The following CNOT1 variants were observed in gnomAD, a reference collection of about 807,000 sequenced individuals.
CNOT1 encodes CCR4-NOT transcription complex subunit 1.
CNOT1 carries 15 observed loss-of-function variants against 273.8 expected under a neutral mutation model. The ratio of observed to expected loss-of-function variants is 0.05; its 90% CI spans 0.04 to 0.08. The LOEUF is 0.08. Ranked by LOEUF, CNOT1 falls within the 10% of genes least tolerant of loss-of-function variation. The pLI is 1.00. For synonymous variants in CNOT1, 1,022 were observed against 1,005.5 expected (o/e 1.02, Z -0.31); for missense variants, 1,644 against 2,912.2 (o/e 0.56, Z 10.02).
At chr16:58,605,065 G>GGCGGAGATTGCAGTGA (rs1284929797) in intron 1 of CNOT1, among the ~76,000 whole-genome samples, 1 of 152,126 alleles carries the variant, frequency 6.6e-6, no homozygotes, top group African/African-American at 2.4e-5. Flanking sequence ...GAACCTGGGA[G>GGCGGAGATTGCAGTGA]GCGGAGATTG....
intron 19 of CNOT1, 141 bp downstream of exon 19, chr16:58,556,705 CT>C: frequency 7.2e-7 from 1 of 1,379,312 alleles, no homozygotes. Context: ...ATACCTCTAA[CT>C]TTTAATAATT....
At chr16:58,596,195 G>A (rs183620316) in intron 2 of CNOT1, among the ~76,000 whole-genome samples, 1 of 152,280 alleles carries the variant, frequency 6.6e-6, no homozygotes, top group Non-Finnish European at 1.5e-5. Flanking sequence ...GAGCAATCTA[G>A]CAGTGCCATC....
At chr16:58,537,768 A>G in intron 38 of CNOT1, 123 bp downstream of exon 38, 1 of 1,300,328 alleles carries the variant, frequency 7.7e-7, no homozygotes, top group African/African-American at 1.5e-5. Flanking sequence ...TACCAAAGCT[A>G]CCCACCCATA....
intron 14 of CNOT1, 76 bp downstream of exon 14, chr16:58,576,387 A>AT: frequency 6.3e-7 from 1 of 1,591,010 alleles, no homozygotes; most frequent in East Asian, 2.3e-5. Flanking sequence ...CTGGGATTAC[A>AT]GGCATGAGCC....
At chr16:58,594,821 G>A (rs1490390308) in intron 2 of CNOT1, among the ~76,000 whole-genome samples, 1 of 148,328 alleles carries the variant, frequency 6.7e-6, no homozygotes, top group African/African-American at 2.5e-5. Flanking sequence ...AAAAGAAAAA[G>A]AAAAAGAAAA....
intron 16 of CNOT1, among the ~76,000 whole-genome samples, chr16:58,569,759 A>G (rs1356688883): frequency 6.6e-6 from 1 of 152,160 alleles, no homozygotes; most frequent in Non-Finnish European, 1.5e-5. Flanking sequence ...GTGGAGCACT[A>G]CTGAGTGTGC....
intron 16 of CNOT1, among the ~76,000 whole-genome samples, chr16:58,562,914 G>A (rs936601280): frequency 1.3e-5 from 2 of 152,130 alleles, no homozygotes; most frequent in African/African-American, 4.8e-5. Context: ...GCATTAAGAA[G>A]TAAAAGTCAT....
chr16:58,603,299 G>A (rs1312382562), intron 1 of CNOT1, among the ~76,000 whole-genome samples: 1 of 152,122 alleles, frequency 6.6e-6, no homozygotes. Context: ...TGATGCTGAG[G>A]CAGGAGGACT....
At chr16:58,598,397 CA>C (rs869048108) in intron 2 of CNOT1, among the ~76,000 whole-genome samples, 3,300 of 86,400 alleles carry the variant, frequency 0.038, 54 homozygotes, top group African/African-American at 0.093. Context: ...GACTCCATCT[CA>C]AAAAAAAAAA....
chr16:58,540,037 G>A, intron 34 of CNOT1, 78 bp from the exon 35 acceptor site: 1 of 1,429,132 alleles, frequency 7.0e-7, no homozygotes, highest in South Asian at 1.4e-5. Flanking sequence ...TCAAATAGAG[G>A]TCTACTAGTA....
intron 1 of CNOT1, among the ~76,000 whole-genome samples, chr16:58,622,677 TC>T (rs1257691126): frequency 6.6e-6 from 1 of 151,216 alleles, no homozygotes; most frequent in Non-Finnish European, 1.5e-5. Flanking sequence ...TGAAACCCTG[TC>T]TCTACTAAAA....
At chr16:58,543,211 T>C in intron 31 of CNOT1, 2 of 1,511,168 alleles carry the variant, frequency 1.3e-6, no homozygotes, top group East Asian at 2.5e-5. Flanking sequence ...AACTAGTAAG[T>C]GAATTATTTG....
chr16:58,547,122 C>A lies in CNOT1; in HGVS notation c.3750+64G>T. 1.3e-6 allele frequency: 2 copies of A among 1,567,550 alleles called. No homozygotes were observed. The highest frequency in any genetic ancestry group is 1.7e-6 in the Non-Finnish European group (2 of 1,155,692). On this transcript the variant is annotated intron_variant, in intron 27 of 48. Coordinates refer to ENST00000317147, the MANE Select transcript of CNOT1 (RefSeq NM_016284.5). The surrounding 1 kb of genome is among the most constrained non-coding windows in gnomAD (Gnocchi z 4.0). ...AAGAACTAAGAATATAATCTCTTGA[C>A]CTCATGCTAAAACAAAGCAATGCTT...
chr16:58,577,535 T>C lies in CNOT1; in HGVS notation c.1585-953A>G, dbSNP rs189774692. ...ATTTGTAAAAAGCACTTGTATATAATATAAACTACTCCAAGTATGGGTAAA... is the reference window on the plus strand; with the variant it reads ...ATTTGTAAAAAGCACTTGTATATAACATAAACTACTCCAAGTATGGGTAAA... On this transcript the variant is annotated intron_variant, in intron 13 of 48. Coordinates refer to ENST00000317147, the MANE Select transcript of CNOT1 (RefSeq NM_016284.5). Among the ~76,000 whole-genome samples, 173 of 152,264 alleles carry C rather than the reference T, an allele frequency of 1.1e-3. 1 individual carries two copies. Among genetic ancestry groups the C allele is most frequent in the Non-Finnish European group, 2.1e-3 (144 of 68,014 alleles).
chr16:58,577,302 A>T (rs2041489081), intron 13 of CNOT1, among the ~76,000 whole-genome samples: 2 of 152,216 alleles, frequency 1.3e-5, no homozygotes, highest in East Asian at 1.9e-4. Context: ...CAGCTCGTTT[A>T]CCAGCCCTTT....
intron 34 of CNOT1, among the ~76,000 whole-genome samples, chr16:58,541,119 C>T (rs770569176): frequency 1.3e-5 from 2 of 152,086 alleles, no homozygotes; most frequent in South Asian, 2.1e-4. Flanking sequence ...GTGGGAGGAT[C>T]GCTTGAGTCT....
At chr16:58,622,068 T>C (rs1199053954) in intron 1 of CNOT1, among the ~76,000 whole-genome samples, 1 of 150,324 alleles carries the variant, frequency 6.7e-6, no homozygotes, top group African/African-American at 2.4e-5. Context: ...ATCCCAGCAC[T>C]TTGGGAGGCC....
At chr16:58,522,236 T>C (rs1421141137) in intron 47 of CNOT1, among the ~76,000 whole-genome samples, 1 of 29,740 alleles carries the variant, frequency 3.4e-5, no homozygotes, top group African/African-American at 1.9e-4. Flanking sequence ...CGAGACTGTC[T>C]CAAAAAAAAA....
chr16:58,565,206 G>A (rs1004715096), intron 16 of CNOT1, among the ~76,000 whole-genome samples: 5 of 152,078 alleles, frequency 3.3e-5, no homozygotes, highest in African/African-American at 1.2e-4. Flanking sequence ...TCTGCCTCCT[G>A]AGTTCAGATG....
Sources: allele counts gnomAD v4.1 joint callset (sites outside exome capture counted in the v4.1 genomes callset), GRCh38; gene constraint gnomAD v4.1.1; non-coding constraint Gnocchi (gnomAD v3.1); transcripts MANE v1.5; gene names NCBI Gene and HGNC (gene_info 2026-07-23, HGNC 2026-07-21).